The following MTDH variants were observed in gnomAD, a reference collection of about 807,000 sequenced individuals.
MTDH encodes protein LYRIC.
In MTDH, 34 loss-of-function variants were observed where a neutral mutation model predicts 72.7. That is an observed-to-expected ratio of 0.47 (90% CI 0.36 to 0.62). The LOEUF (loss-of-function observed/expected upper bound fraction) is 0.62. Among genes scored for constraint, MTDH ranks in the 20% least tolerant of loss-of-function variants. The pLI, the probability that MTDH is intolerant of heterozygous loss-of-function variation, is 0.00. For missense variants in MTDH, 677 were observed against 699.4 expected (o/e 0.97, Z 0.36); for synonymous variants, 266 against 268.9 (o/e 0.99, Z 0.10).
At chr8:97,650,208 A>G (rs189176940) in intron 1 of MTDH, among the ~76,000 whole-genome samples, 1 of 151,806 alleles carries the variant, frequency 6.6e-6, no homozygotes, top group Admixed American at 6.6e-5. Context: ...CGCCTGCCTC[A>G]GCCTCCCAAA....
intron 7 of MTDH, among the ~76,000 whole-genome samples, chr8:97,700,256 T>C (rs1454517439): frequency 6.6e-6 from 1 of 152,164 alleles, no homozygotes; most frequent in Non-Finnish European, 1.5e-5. Flanking sequence ...CAGTAGAAGT[T>C]TAGTTAAAGG....
intron 9 of MTDH, among the ~76,000 whole-genome samples, chr8:97,714,279 TG>T: frequency 6.6e-6 from 1 of 152,168 alleles, no homozygotes; most frequent in South Asian, 2.1e-4. Context: ...CTCTCCTGTC[TG>T]GGGGAAAAAA....
At chr8:97,719,713 C>A (rs1309703188) in intron 10 of MTDH, among the ~76,000 whole-genome samples, 1 of 152,098 alleles carries the variant, frequency 6.6e-6, no homozygotes, top group African/African-American at 2.4e-5. Flanking sequence ...TCAAGAACCA[C>A]ACTGTACTGT....
Position 97,644,311 on chromosome 8 carries a change from T to C in MTDH, c.-196T>C, listed in dbSNP as rs1811468005. On this transcript the variant is annotated 5_prime_UTR_variant, in exon 1 of 12. Transcript: ENST00000336273. ...TCTCCTGGCGGCGGCGGAGTGAGGC[T>C]GACAGCGGGGAACCTGGGAGACCCC... is the stretch of plus-strand genomic sequence containing the variant. The C allele has an allele frequency of 1.5e-6, 1 of 657,560 alleles. No homozygotes were observed. The highest frequency in any genetic ancestry group is 2.3e-5 in the South Asian group (1 of 43,756). The allele number at this position is 657,560 out of a possible 1,614,324, so 40.7% of individuals were successfully genotyped here.
chr8:97,682,357 G>A (rs1482317177), intron 2 of MTDH, among the ~76,000 whole-genome samples: 1 of 123,744 alleles, frequency 8.1e-6, no homozygotes, highest in African/African-American at 3.1e-5. Context: ...GGAGTGTAAT[G>A]GTGTGGTCTT....
chr8:97,699,855 A>C lies in MTDH; in HGVS notation c.1147+3A>C. 1 of 1,585,188 alleles carries C rather than the reference A, an allele frequency of 6.3e-7. No homozygotes were observed. On this transcript the variant is annotated splice_donor_region_variant and intron_variant, in intron 7 of 11. Coordinates refer to ENST00000336273, the MANE Select transcript of MTDH (RefSeq NM_178812.4). ...CGATGATGAATGGTCTGGGTTAAGTATGTCCTTTTAAAAATTATCAGTTAT... is the reference window on the plus strand; with the variant it reads ...CGATGATGAATGGTCTGGGTTAAGTCTGTCCTTTTAAAAATTATCAGTTAT...
At chr8:97,720,629 G>A (rs1411698666) in intron 10 of MTDH, among the ~76,000 whole-genome samples, 2 of 147,218 alleles carry the variant, frequency 1.4e-5, no homozygotes, top group Non-Finnish European at 3.0e-5. Context: ...ATAATAAATA[G>A]CAAAGGGTCT....
intron 7 of MTDH, among the ~76,000 whole-genome samples, chr8:97,703,121 T>C (rs1814204057): frequency 6.6e-6 from 1 of 152,142 alleles, no homozygotes; most frequent in African/African-American, 2.4e-5. Flanking sequence ...TCCCAGCACT[T>C]TGGGAAGCCA....
At chr8:97,710,829 A>C (rs1212717625) in intron 8 of MTDH, among the ~76,000 whole-genome samples, 5 of 151,910 alleles carry the variant, frequency 3.3e-5, no homozygotes, top group African/African-American at 1.2e-4. Context: ...GTGAAACCCC[A>C]TCTCTACTGA....
At chr8:97,693,317 T>C (rs1813693538) in intron 6 of MTDH, among the ~76,000 whole-genome samples, 1 of 152,080 alleles carries the variant, frequency 6.6e-6, no homozygotes, top group Non-Finnish European at 1.5e-5. Context: ...CACAACTTTC[T>C]TGGTCATTTC....
Position 97,644,733 on chromosome 8 carries a change from CCGG to C in MTDH, c.230_232del (p.Gly77del), listed in dbSNP as rs1163774225. ...GGCTACGGCTGGGCCGCGGCTTGCG[CCGG>C]CGCCCGCAAAAAGCGGAGGAGCCCG... On this transcript the variant is annotated inframe_deletion, in exon 1 of 12. Coordinates refer to ENST00000336273, the MANE Select transcript of MTDH (RefSeq NM_178812.4). The C allele has an allele frequency of 1.3e-6, 2 of 1,578,018 alleles. No homozygotes were observed. The highest frequency in any genetic ancestry group is 1.7e-6 in the Non-Finnish European group (2 of 1,168,556).
intron 10 of MTDH, 62 bp downstream of exon 10, chr8:97,719,251 T>A (rs1207806108): frequency 1.3e-6 from 2 of 1,551,000 alleles, no homozygotes; most frequent in African/African-American, 2.8e-5. Flanking sequence ...TCCCAGCACT[T>A]TGAGAGGCCA....
chr8:97,647,419 C>A (rs376074707), intron 1 of MTDH, among the ~76,000 whole-genome samples: 3 of 151,954 alleles, frequency 2.0e-5, no homozygotes, highest in African/African-American at 7.3e-5. Context: ...AAAAATTAGC[C>A]CAGTGTGGTG....
chr8:97,694,092 TA>T (rs1199295312), intron 6 of MTDH, among the ~76,000 whole-genome samples: 1 of 152,228 alleles, frequency 6.6e-6, no homozygotes, highest in Non-Finnish European at 1.5e-5. Context: ...TTATGGCAGA[TA>T]TTTTTATCTG....
Position 97,724,070 on chromosome 8 carries a change from T to C in MTDH, c.1679-530T>C, listed in dbSNP as rs549207782. On this transcript the variant is annotated intron_variant, in intron 11 of 11. Transcript: ENST00000336273. ...GTTGTAGTGAGCCAAGATTGCGCCATTGCACTCCAGCCTGGGTGACAGAGC... is the reference window on the plus strand; with the variant it reads ...GTTGTAGTGAGCCAAGATTGCGCCACTGCACTCCAGCCTGGGTGACAGAGC... Among the ~76,000 whole-genome samples, 16 of 151,282 alleles carry C rather than the reference T, an allele frequency of 1.1e-4. No individual in the cohort carries two copies. The South Asian group carries it at 3.4e-3, about 32-fold the overall frequency.
chr8:97,717,182 A>G (rs1240904308), intron 9 of MTDH, among the ~76,000 whole-genome samples: 1 of 152,168 alleles, frequency 6.6e-6, no homozygotes, highest in Non-Finnish European at 1.5e-5. Flanking sequence ...ATCTAAACCC[A>G]CTACTATACT....
chr8:97,653,799 A>G (rs1389505693), intron 1 of MTDH, among the ~76,000 whole-genome samples: 1 of 152,206 alleles, frequency 6.6e-6, no homozygotes, highest in African/African-American at 2.4e-5. Flanking sequence ...CTCTCCAGCT[A>G]TGCTAGTAGT....
intron 6 of MTDH, among the ~76,000 whole-genome samples, chr8:97,693,239 A>T (rs967264123): frequency 6.6e-6 from 1 of 152,112 alleles, no homozygotes; most frequent in African/African-American, 2.4e-5. Context: ...TTCTAATTCG[A>T]TAAGCAAAAA....
At chr8:97,696,577 T>C (rs1813841039) in intron 6 of MTDH, among the ~76,000 whole-genome samples, 1 of 152,280 alleles carries the variant, frequency 6.6e-6, no homozygotes, top group African/African-American at 2.4e-5. Context: ...AGGTTCATAT[T>C]CTTCTGTTGC....
Sources: gnomAD v4.1 joint callset for allele counts (sites outside exome capture counted in the v4.1 genomes callset) on GRCh38, gnomAD v4.1.1 for gene constraint, MANE v1.5 for transcripts, NCBI Gene and HGNC (gene_info 2026-07-23, HGNC 2026-07-21) for gene names.